The following PPARGC1A variants were observed in gnomAD, a reference collection of about 807,000 sequenced individuals.
The protein encoded by PPARGC1A is PPARG coactivator 1 alpha.
A neutral mutation model predicts 88.7 loss-of-function variants in PPARGC1A; 25 were observed. That is an observed-to-expected ratio of 0.28 (90% CI 0.21 to 0.39). PPARGC1A has a LOEUF of 0.39. Ranked by LOEUF, PPARGC1A falls within the 10% of genes least tolerant of loss-of-function variation. The pLI is 1.00. For synonymous variants in PPARGC1A, 363 were observed against 355.6 expected, an observed-to-expected ratio of 1.02 and a Z score of -0.24; for missense variants, 880 against 968.7, an observed-to-expected ratio of 0.91 and a Z score of 1.22.
chr4:24,217,009 T>C, the PPARGC1A span, among the ~76,000 whole-genome samples: 7 of 152,330 alleles, frequency 4.6e-5, no homozygotes, highest in East Asian at 1.2e-3. Flanking sequence ...CTATGCTATG[T>C]CTGCATCTCA....
the PPARGC1A span, among the ~76,000 whole-genome samples, chr4:24,135,929 T>C: frequency 2.9e-4 from 44 of 152,258 alleles, no homozygotes; most frequent in East Asian, 8.5e-3. Flanking sequence ...TTCTCAAACT[T>C]ACCTGGCCCT....
chr4:24,395,514 C>T, the PPARGC1A span, among the ~76,000 whole-genome samples: 1 of 152,214 alleles, frequency 6.6e-6, no homozygotes, highest in African/African-American at 2.4e-5. Context: ...ATGAGATTTT[C>T]TGTTCCAAGG....
At chr4:23,921,659 G>T in the PPARGC1A span, among the ~76,000 whole-genome samples, 5 of 152,192 alleles carry the variant, frequency 3.3e-5, no homozygotes, top group Non-Finnish European at 7.3e-5. Flanking sequence ...TTTGTGTGTG[G>T]CTCTCCTGGA....
chr4:24,365,042 A>G, the PPARGC1A span, among the ~76,000 whole-genome samples: 5 of 152,120 alleles, frequency 3.3e-5, no homozygotes, highest in Non-Finnish European at 7.4e-5. Flanking sequence ...TGACACTTCT[A>G]CCAAATGCTA....
At chr4:23,877,583 G>T (rs1203533925) in intron 2 of PPARGC1A, 2 of 148,690 alleles carry the variant, frequency 1.3e-5, no homozygotes, top group East Asian at 3.9e-4. Context: ...GAACCTGAGA[G>T]GTTAAGAAGA....
intron 1 of PPARGC1A, among the ~76,000 whole-genome samples, chr4:23,895,976 GTGTGTA>G (rs1451838987): frequency 4.1e-3 from 155 of 37,796 alleles, no homozygotes; most frequent in African/African-American, 9.4e-3. Flanking sequence ...GTGTGTGTGT[GTGTGTA>G]TATATATATA....
chr4:23,874,274 T>C (rs948692951), intron 2 of PPARGC1A, among the ~76,000 whole-genome samples: 3 of 152,204 alleles, frequency 2.0e-5, no homozygotes, highest in Non-Finnish European at 4.4e-5. Context: ...ATTTATAGCT[T>C]GGTTGTTTGT....
the PPARGC1A span, among the ~76,000 whole-genome samples, chr4:24,019,461 C>T: frequency 6.6e-5 from 10 of 152,270 alleles, no homozygotes; most frequent in African/African-American, 2.2e-4. Context: ...TGGCTGAATT[C>T]CAAATTCATT....
At chr4:24,106,612 T>A in the PPARGC1A span, among the ~76,000 whole-genome samples, 1 of 152,200 alleles carries the variant, frequency 6.6e-6, no homozygotes, top group Non-Finnish European at 1.5e-5. Flanking sequence ...CCTCCCTGTA[T>A]CTATTTCCTT....
intron 2 of PPARGC1A, among the ~76,000 whole-genome samples, chr4:23,870,284 C>T (rs1382369507): frequency 1.3e-5 from 2 of 152,172 alleles, no homozygotes; most frequent in Admixed American, 1.3e-4. Context: ...TTCCGAATCA[C>T]GTATTTACAT....
At chr4:24,151,424 A>C in the PPARGC1A span, among the ~76,000 whole-genome samples, 5 of 152,088 alleles carry the variant, frequency 3.3e-5, no homozygotes, top group Non-Finnish European at 2.9e-5. Context: ...TCTCGTCATG[A>C]AGGCCCTTCT....
At chr4:24,051,056 C>T in the PPARGC1A span, among the ~76,000 whole-genome samples, 4 of 151,778 alleles carry the variant, frequency 2.6e-5, no homozygotes, top group South Asian at 2.1e-4. Context: ...GGCATGGTGG[C>T]GGGTGCCTAT....
chr4:24,331,591 G>A, the PPARGC1A span, among the ~76,000 whole-genome samples: 2 of 152,202 alleles, frequency 1.3e-5, no homozygotes, highest in Admixed American at 6.5e-5. Context: ...ATAAATGAAT[G>A]CATATTTGTT....
At chr4:23,798,234 C>T (rs1718001033) in intron 12 of PPARGC1A, among the ~76,000 whole-genome samples, 1 of 152,160 alleles carries the variant, frequency 6.6e-6, no homozygotes, top group Non-Finnish European at 1.5e-5. Flanking sequence ...GGTCTCTTCA[C>T]ATGGACACGC....
At chr4:23,973,492 G>C in the PPARGC1A span, among the ~76,000 whole-genome samples, 1 of 152,212 alleles carries the variant, frequency 6.6e-6, no homozygotes, top group Non-Finnish European at 1.5e-5. Context: ...TAAAGAGAGA[G>C]AGAGAGGAAA....
At chr4:24,356,214 A>G in the PPARGC1A span, among the ~76,000 whole-genome samples, 29,620 of 148,762 alleles carry the variant, frequency 0.2, 2,797 homozygotes, top group South Asian at 0.23. Context: ...AAAAAAAAAA[A>G]AAAGAGAGAG....
At chr4:24,043,999 T>C in the PPARGC1A span, among the ~76,000 whole-genome samples, 1 of 152,308 alleles carries the variant, frequency 6.6e-6, no homozygotes, top group African/African-American at 2.4e-5. Flanking sequence ...GAGTATATCA[T>C]CCATGTAGAT....
the PPARGC1A span, among the ~76,000 whole-genome samples, chr4:24,008,715 AAC>A: frequency 1.4e-5 from 2 of 140,672 alleles, no homozygotes; most frequent in Admixed American, 1.4e-4. Context: ...AAAAAAAAAA[AAC>A]AGTCTTTGAT....
the PPARGC1A span, among the ~76,000 whole-genome samples, chr4:24,238,739 TTGTATA>T: frequency 2.1e-4 from 27 of 129,896 alleles, no homozygotes; most frequent in East Asian, 4.5e-3. Context: ...CAATCCAAGG[TTGTATA>T]TGTGTGTGTG....
Sources: gnomAD v4.1 joint callset for allele counts (sites outside exome capture counted in the v4.1 genomes callset) on GRCh38, gnomAD v4.1.1 for gene constraint, MANE v1.5 for transcripts, NCBI Gene and HGNC (gene_info 2026-07-23, HGNC 2026-07-21) for gene names.